SYN2: variants seen among roughly 807,000 people sequenced by gnomAD.
SYN2 encodes the protein synapsin-2.
Under a neutral mutation model 50.9 loss-of-function variants are expected in SYN2, and 19 were observed. That is an observed-to-expected ratio of 0.37 (90% CI 0.26 to 0.55). The LOEUF is 0.55. Among genes scored for constraint, SYN2 ranks in the 20% least tolerant of loss-of-function variants. SYN2 has a pLI of 0.81. For synonymous variants in SYN2, 255 were observed against 224.9 expected, an observed-to-expected ratio of 1.13 and a Z score of -1.20; for missense variants, 587 against 576.4, an observed-to-expected ratio of 1.02 and a Z score of -0.19.
intron 1 of SYN2, among the ~76,000 whole-genome samples, chr3:12,011,214 A>G (rs1163509504): frequency 6.6e-6 from 1 of 152,220 alleles, no homozygotes; most frequent in East Asian, 1.9e-4. Context: ...TATTTAAATG[A>G]ATTGTGGAAA....
At position 12,169,894 on chromosome 3, in the gene SYN2, C is replaced by G; in HGVS notation, c.1296C>G (p.Thr432=). 1 of 1,609,360 alleles carries G rather than the reference C, an allele frequency of 6.2e-7. No homozygotes were observed. Among genetic ancestry groups the G allele is most frequent in the East Asian group, 2.2e-5 (1 of 44,704 alleles). The change falls in exon 10 of 13, where the codon ACC becomes ACG. Residue 432 remains threonine (T), a synonymous_variant. Coordinates refer to ENST00000621198, the MANE Select transcript of SYN2 (RefSeq NM_133625.6). ...TGTCTCCTCAGAGACCCCTAACAACCCAGCAGCCACAGGTAAGCAGCTAGG... is the reference window on the plus strand; with the variant it reads ...TGTCTCCTCAGAGACCCCTAACAACGCAGCAGCCACAGGTAAGCAGCTAGG... The part of the protein sequence containing the change: ...PALSPQRPLT[T]QQPQSGTLKD...
rs118084426 is a variant in SYN2 at position 12,049,100 on chromosome 3, G to A, written c.377+44172G>A. On this transcript the variant is annotated intron_variant, in intron 1 of 12. Coordinates refer to ENST00000621198, the MANE Select transcript of SYN2 (RefSeq NM_133625.6). Reference sequence around the variant, plus strand: ...CTCATTCATTGAGCACATGCTTATCGAACACTTAGGGTATGTCAGGCCATT... The same window carrying A: ...CTCATTCATTGAGCACATGCTTATCAAACACTTAGGGTATGTCAGGCCATT... 1.8e-4 allele frequency among the ~76,000 whole-genome samples: 28 copies of A among 152,208 alleles called. No individual in the cohort carries two copies. The East Asian group carries it at 5.2e-3, about 28-fold the overall frequency.
In SYN2 at chr3:12,170,046, T is replaced by C. The variant is rs1300033122; in HGVS notation, c.1308+140T>C. 1.1e-5 allele frequency: 12 copies of C among 1,116,080 alleles called. No homozygotes were observed. In the East Asian group the frequency reaches 3.2e-4, roughly 30 times the overall value. 69.1% of individuals were successfully genotyped at this position (1,116,080 alleles called of 1,614,324 possible). A position where few individuals can be genotyped will look rare whatever the true frequency, so the allele number is the denominator to read the frequency against. ...ATCTAAGGAGACATCTCCCTCTTCC[T>C]TCCCTTCCCTTTACCCTGGAGTCCT... On this transcript the variant is annotated intron_variant, in intron 10 of 12. Coordinates refer to ENST00000621198, the MANE Select transcript of SYN2 (RefSeq NM_133625.6).
At chr3:12,181,591 C>A (rs1698222394) in intron 10 of SYN2, among the ~76,000 whole-genome samples, 1 of 152,202 alleles carries the variant, frequency 6.6e-6, no homozygotes, top group African/African-American at 2.4e-5. Flanking sequence ...ATAGTGCATC[C>A]ATGTTACTTG....
rs1485527319 is a variant in SYN2, at chr3:12,157,108, C to CA, written c.775-4436dup. On this transcript the variant is annotated intron_variant, in intron 5 of 12. Coordinates refer to ENST00000621198, the MANE Select transcript of SYN2 (RefSeq NM_133625.6). ...TTTCTCTCTTAAAACAAAACAACAA[C>CA]AACAAAAAACACCTAAACCTTGGTT... 8.7e-4 allele frequency among the ~76,000 whole-genome samples: 131 copies of CA among 151,024 alleles called. 4 individuals are homozygous for CA. Among genetic ancestry groups the CA allele is most frequent in the Non-Finnish European group, 5.6e-4 (38 of 67,692 alleles).
intron 11 of SYN2, chr3:12,185,513 G>T: frequency 4.1e-6 from 4 of 985,888 alleles, no homozygotes; most frequent in Non-Finnish European, 4.8e-6. Flanking sequence ...CAGGCAGCAT[G>T]CTTAGGGACA....
At chr3:12,128,476 C>G (rs2125207449) in intron 1 of SYN2, among the ~76,000 whole-genome samples, 1 of 152,288 alleles carries the variant, frequency 6.6e-6, no homozygotes, top group South Asian at 2.1e-4. Context: ...TCAAATTTCC[C>G]TTCTTCAGGC....
intron 1 of SYN2, among the ~76,000 whole-genome samples, chr3:12,091,242 A>G (rs944587290): frequency 2.0e-5 from 3 of 152,204 alleles, no homozygotes; most frequent in African/African-American, 4.8e-5. Context: ...AAGAATCTCT[A>G]TGGGTATTCT....
chr3:12,095,165 T>G (rs1695903018), intron 1 of SYN2, among the ~76,000 whole-genome samples: 1 of 151,970 alleles, frequency 6.6e-6, no homozygotes, highest in African/African-American at 2.4e-5. Context: ...GATGTCACTT[T>G]GTTCTCACCT....
intron 1 of SYN2, among the ~76,000 whole-genome samples, chr3:12,066,828 A>C (rs1343616938): frequency 6.6e-6 from 1 of 152,102 alleles, no homozygotes; most frequent in African/African-American, 2.4e-5. Context: ...ATTGTTGCAC[A>C]ATTTCACATG....
At chr3:12,167,931 G>A (rs548805511) in intron 8 of SYN2, among the ~76,000 whole-genome samples, 52 of 152,314 alleles carry the variant, frequency 3.4e-4, no homozygotes, top group African/African-American at 1.2e-3. Flanking sequence ...CCACTCCATA[G>A]CAAAGAACTT....
In SYN2 at chr3:12,017,988, A is replaced by G. The variant is rs140717623; in HGVS notation, c.377+13060A>G. Among the ~76,000 whole-genome samples the G allele has an allele frequency of 1.2e-3, 186 of 152,330 alleles. 2 individuals are homozygous for G. In the East Asian group the frequency reaches 0.02, roughly 16 times the overall value. On this transcript the variant is annotated intron_variant, in intron 1 of 12. Transcript: ENST00000621198. The stretch of plus-strand genomic sequence containing the variant: ...TCATACTTTGAGCACTATCACATTC[A>G]TGTCTCATTTAATCCTCCACACAAT...
intron 1 of SYN2, among the ~76,000 whole-genome samples, chr3:12,088,110 A>G (rs1289670830): frequency 6.6e-6 from 1 of 152,204 alleles, no homozygotes; most frequent in Non-Finnish European, 1.5e-5. Flanking sequence ...AAAGAAAACA[A>G]CAGAGTGAAG....
intron 1 of SYN2, among the ~76,000 whole-genome samples, chr3:12,034,381 G>T (rs1694449674): frequency 6.6e-6 from 1 of 151,862 alleles, no homozygotes; most frequent in South Asian, 2.1e-4. Context: ...TTTTTGATTG[G>T]GCTAATTTAA....
At chr3:12,157,380 T>C (rs774982084) in intron 5 of SYN2, 22 of 1,613,888 alleles carry the variant, frequency 1.4e-5, no homozygotes, top group Non-Finnish European at 1.7e-5. Flanking sequence ...CCTGCCCCCA[T>C]GTACCTTTAT....
At chr3:12,057,992 C>G (rs185974771) in intron 1 of SYN2, among the ~76,000 whole-genome samples, 1 of 152,106 alleles carries the variant, frequency 6.6e-6, no homozygotes, top group African/African-American at 2.4e-5. Flanking sequence ...ATTCTGTGGT[C>G]CCATTCCCCA....
intron 1 of SYN2, among the ~76,000 whole-genome samples, chr3:12,074,366 G>A (rs568406789): frequency 3.9e-5 from 6 of 152,160 alleles, no homozygotes; most frequent in African/African-American, 1.4e-4. Context: ...TCACTACTGT[G>A]TTTTTACTGT....
intron 1 of SYN2, among the ~76,000 whole-genome samples, chr3:12,094,885 TA>T (rs1695897322): frequency 1.3e-5 from 2 of 152,066 alleles, no homozygotes. Flanking sequence ...GGAAGGGAAA[TA>T]TTGAGTTTAA....
chr3:12,033,147 G>A (rs986339220), intron 1 of SYN2, among the ~76,000 whole-genome samples: 28 of 152,026 alleles, frequency 1.8e-4, no homozygotes, highest in Non-Finnish European at 3.2e-4. Context: ...GCCGTGTGAG[G>A]TGTCAGTGTG....
Sources: gnomAD v4.1 joint callset for allele counts (sites outside exome capture counted in the v4.1 genomes callset) on GRCh38, gnomAD v4.1.1 for gene constraint, MANE v1.5 for transcripts, NCBI Gene and HGNC (gene_info 2026-07-23, HGNC 2026-07-21) for gene names.